The following ANKS6 variants were observed in gnomAD, a reference collection of about 807,000 sequenced individuals.
ANKS6 encodes ankyrin repeat and sterile alpha motif domain containing 6.
In ANKS6, 47 loss-of-function variants were observed where a neutral mutation model predicts 77.9. The ratio of observed to expected loss-of-function variants is 0.60; its 90% CI spans 0.48 to 0.77. The LOEUF (loss-of-function observed/expected upper bound fraction) is 0.77. ANKS6 is among the 30% of genes least tolerant of loss of function. The pLI is 0.00. For synonymous variants in ANKS6, 488 were observed against 501.7 expected, an observed-to-expected ratio of 0.97 and a Z score of 0.37; for missense variants, 1,150 against 1,159.1, an observed-to-expected ratio of 0.99 and a Z score of 0.11.
At chr9:98,744,699 C>G (rs1282756237) in intron 14 of ANKS6, among the ~76,000 whole-genome samples, 1 of 150,930 alleles carries the variant, frequency 6.6e-6, no homozygotes, top group African/African-American at 2.5e-5. Context: ...GCCCAAGGAA[C>G]AGCAACAAAA....
rs1176666140 is a variant in ANKS6 at position 98,732,685 on chromosome 9, A to C, written c.*3834T>G. The stretch of plus-strand genomic sequence containing the variant: ...AAAAGGGCTTTCTCACTTTCACATG[A>C]TCCCTGGGGGCTACTATCCCCCTGT... On this transcript the variant is annotated 3_prime_UTR_variant, in exon 15 of 15. Transcript: ENST00000353234. The C allele has an allele frequency of 2.7e-6, 4 of 1,479,234 alleles. No homozygotes were observed. In the Admixed American group the frequency reaches 9.5e-5, roughly 35 times the overall value. 91.6% of individuals were successfully genotyped at this position (1,479,234 alleles called of 1,614,324 possible). A position where few individuals can be genotyped will look rare whatever the true frequency, so the allele number is the denominator to read the frequency against.
At chr9:98,757,487 T>C (rs1257575391) in intron 11 of ANKS6, among the ~76,000 whole-genome samples, 1 of 152,166 alleles carries the variant, frequency 6.6e-6, no homozygotes, top group East Asian at 1.9e-4. Flanking sequence ...TGCTTGTGAA[T>C]GTAGGGGGCA....
At chr9:98,755,945 GA>G (rs1832676156) in intron 12 of ANKS6, among the ~76,000 whole-genome samples, 2 of 152,158 alleles carry the variant, frequency 1.3e-5, no homozygotes, top group African/African-American at 4.8e-5. Flanking sequence ...CCACCACTTG[GA>G]GAGAACCTAC....
chr9:98,762,347 A>G (rs939943265), intron 11 of ANKS6, among the ~76,000 whole-genome samples: 88 of 152,130 alleles, frequency 5.8e-4, no homozygotes, highest in African/African-American at 2.0e-3. Context: ...GCAGTTTTCT[A>G]TGTGGACAGT....
chr9:98,778,104 C>T, intron 7 of ANKS6, 122 bp downstream of exon 7: 1 of 1,156,310 alleles, frequency 8.6e-7, no homozygotes, highest in East Asian at 2.5e-5. Context: ...AGCCTCTATG[C>T]TCCAGTGTCC....
intron 1 of ANKS6, among the ~76,000 whole-genome samples, chr9:98,794,190 C>A (rs1348234789): frequency 6.6e-6 from 1 of 150,656 alleles, no homozygotes; most frequent in Non-Finnish European, 1.5e-5. Context: ...ACTAAGGTCA[C>A]CATTTCTAAT....
At chr9:98,763,806 T>A (rs1388342140) in intron 11 of ANKS6, among the ~76,000 whole-genome samples, 2 of 152,108 alleles carry the variant, frequency 1.3e-5, no homozygotes, top group Non-Finnish European at 2.9e-5. Context: ...CTACTGATCC[T>A]ATGTAATAAA....
rs367598053 is a variant in ANKS6 at position 98,771,880 on chromosome 9, G to A, written c.1822-834C>T. ...TTCCAGCACCCTCTTCGCTTACACT[G>A]TAACTCTTACCATGGCTTGTGAGTG... On this transcript the variant is annotated intron_variant, in intron 9 of 14. Transcript: ENST00000353234. Among the ~76,000 whole-genome samples, 36 of 152,266 alleles carry A rather than the reference G, an allele frequency of 2.4e-4. 1 individual carries two copies. In the South Asian group the frequency reaches 7.5e-3, roughly 32 times the overall value.
At chr9:98,788,359 T>TG (rs2118159806) in intron 2 of ANKS6, among the ~76,000 whole-genome samples, 1 of 152,070 alleles carries the variant, frequency 6.6e-6, no homozygotes, top group East Asian at 1.9e-4. Flanking sequence ...CCCTGCAAAA[T>TG]GGGGGAATAC....
chr9:98,749,702 G>T (rs965384850), intron 13 of ANKS6, among the ~76,000 whole-genome samples: 3 of 152,224 alleles, frequency 2.0e-5, no homozygotes, highest in Non-Finnish European at 4.4e-5. Flanking sequence ...ATTTCTTGGA[G>T]AAAGTCACTG....
intron 1 of ANKS6, among the ~76,000 whole-genome samples, chr9:98,793,439 G>A (rs1373602199): frequency 6.6e-6 from 1 of 152,190 alleles, no homozygotes; most frequent in Non-Finnish European, 1.5e-5. Context: ...GTTTTGTATG[G>A]ATTGAATGAC....
intron 10 of ANKS6, among the ~76,000 whole-genome samples, chr9:98,768,625 G>A (rs1833442600): frequency 2.0e-5 from 3 of 152,174 alleles, no homozygotes; most frequent in Non-Finnish European, 4.4e-5. Flanking sequence ...TGCACAGACC[G>A]TCTTGTCTGG....
At chr9:98,782,629 T>G (rs551670290) in intron 4 of ANKS6, 56 bp from the exon 5 acceptor site, 2 of 1,435,158 alleles carry the variant, frequency 1.4e-6, no homozygotes, top group East Asian at 2.3e-5. Context: ...GCTTTGCTCC[T>G]GGGCAACAAA....
chr9:98,765,491 G>T (rs1037488562), intron 11 of ANKS6, among the ~76,000 whole-genome samples: 2 of 152,170 alleles, frequency 1.3e-5, no homozygotes, highest in South Asian at 4.1e-4. Context: ...GTCCAAGCTT[G>T]TTGTAGACAC....
chr9:98,787,574 A>G (rs760642815), intron 2 of ANKS6, among the ~76,000 whole-genome samples: 1 of 152,214 alleles, frequency 6.6e-6, no homozygotes, highest in Non-Finnish European at 1.5e-5. Context: ...ACGTCTTTGT[A>G]AAGTATCGGA....
chr9:98,749,057 C>T (rs989673293), intron 13 of ANKS6, among the ~76,000 whole-genome samples: 1 of 152,120 alleles, frequency 6.6e-6, no homozygotes, highest in African/African-American at 2.4e-5. Flanking sequence ...GGGTTAAAAC[C>T]TCAGTCCTAC....
chr9:98,790,429 T>C lies in ANKS6; in HGVS notation c.537A>G (p.Gln179=), dbSNP rs200417280. The C allele has an allele frequency of 4.6e-4, 747 of 1,613,764 alleles. 3 individuals carry two copies. In the Middle Eastern group the frequency reaches 4.9e-3, roughly 11 times the overall value. ...CATCCCTGCTGCCGCCCAACCCCAG[T>C]TGCTCGCCTGAAGGGTGGTGATGGT... ...FVDHHHPSGE[Q]LGLGGSRDEP... Residue 179 remains glutamine, a synonymous_variant, in exon 2 of 15, where the codon CAA becomes CAG. Coordinates refer to ENST00000353234, the MANE Select transcript of ANKS6 (RefSeq NM_173551.5).
In ANKS6 at chr9:98,736,052, C is replaced by T; in HGVS notation, c.*467G>A. On this transcript the variant is annotated 3_prime_UTR_variant, in exon 15 of 15. Transcript: ENST00000353234. Reference sequence around the variant, plus strand: ...CTGGGAAGCCACTATGTGGAGACTGCACATCCTGGCCTCCTCTGCATCCAG... The same window carrying T: ...CTGGGAAGCCACTATGTGGAGACTGTACATCCTGGCCTCCTCTGCATCCAG... 1 of 1,184,858 alleles carries T rather than the reference C, an allele frequency of 8.4e-7. No homozygotes were observed. Among genetic ancestry groups the T allele is most frequent in the East Asian group, 3.8e-5 (1 of 26,492 alleles). 73.4% of individuals were successfully genotyped at this position (1,184,858 alleles called of 1,614,324 possible).
intron 11 of ANKS6, among the ~76,000 whole-genome samples, chr9:98,764,892 T>A (rs947772026): frequency 1.3e-5 from 2 of 152,108 alleles, no homozygotes; most frequent in Non-Finnish European, 2.9e-5. Flanking sequence ...TTCTAAGGAG[T>A]GTGGTTTTTC....
Sources: allele counts gnomAD v4.1 joint callset (sites outside exome capture counted in the v4.1 genomes callset), GRCh38; gene constraint gnomAD v4.1.1; transcripts MANE v1.5; gene names NCBI Gene and HGNC (gene_info 2026-07-23, HGNC 2026-07-21).